The following PLCB4 variants were observed in gnomAD, a reference collection of about 807,000 sequenced individuals.
PLCB4 encodes the protein phospholipase C beta 4.
PLCB4 carries 77 observed loss-of-function variants against 178.8 expected under a neutral mutation model. That is an observed-to-expected ratio of 0.43 (90% CI 0.36 to 0.52). PLCB4 has a LOEUF of 0.52. Among genes scored for constraint, PLCB4 ranks in the 20% least tolerant of loss-of-function variants. The pLI, the probability that PLCB4 is intolerant of heterozygous loss-of-function variation, is 0.00. For synonymous variants in PLCB4, 496 were observed against 490.8 expected (o/e 1.01, Z -0.14); for missense variants, 1,024 against 1,453.4 (o/e 0.70, Z 4.80).
intron 3 of PLCB4, among the ~76,000 whole-genome samples, chr20:9,278,439 C>G (rs1188195957): frequency 6.6e-6 from 1 of 152,000 alleles, no homozygotes; most frequent in Non-Finnish European, 1.5e-5. Context: ...TCTACATTTT[C>G]AGGTACTTCT....
intron 4 of PLCB4, among the ~76,000 whole-genome samples, chr20:9,322,339 G>A (rs2094970705): frequency 1.3e-5 from 2 of 152,094 alleles, no homozygotes; most frequent in Admixed American, 6.5e-5. Flanking sequence ...TCTTTCAATT[G>A]ATGGACATAG....
At chr20:9,125,328 A>C (rs1325877993) in intron 2 of PLCB4, among the ~76,000 whole-genome samples, 1 of 152,216 alleles carries the variant, frequency 6.6e-6, no homozygotes. Flanking sequence ...TTATTAAGGT[A>C]TATTATACTC....
At chr20:9,203,187 G>C (rs867568006) in intron 2 of PLCB4, among the ~76,000 whole-genome samples, 14 of 151,384 alleles carry the variant, frequency 9.2e-5, no homozygotes, top group Middle Eastern at 3.4e-3. Context: ...TCACTTACTG[G>C]CTAGTAGATA....
chr20:9,475,689 C>T (rs750193717), intron 38 of PLCB4, among the ~76,000 whole-genome samples: 11 of 152,160 alleles, frequency 7.2e-5, no homozygotes, highest in Non-Finnish European at 1.3e-4. Flanking sequence ...TGTTCAATTG[C>T]AAATTCAATC....
chr20:9,384,124 C>G (rs2037378323), intron 13 of PLCB4, 77 bp from the exon 14 acceptor site: 1 of 1,107,256 alleles, frequency 9.0e-7, no homozygotes, highest in Admixed American at 1.7e-5. Flanking sequence ...TTTAAGCTGC[C>G]TCAGCTTCCA....
At chr20:9,263,261 T>C (rs2094316135) in intron 3 of PLCB4, among the ~76,000 whole-genome samples, 1 of 152,140 alleles carries the variant, frequency 6.6e-6, no homozygotes, top group Non-Finnish European at 1.5e-5. Flanking sequence ...ATAATACTTG[T>C]CAAGGAAGAA....
intron 4 of PLCB4, among the ~76,000 whole-genome samples, chr20:9,321,771 C>T (rs1391254790): frequency 2.0e-5 from 3 of 151,648 alleles, no homozygotes; most frequent in Non-Finnish European, 4.4e-5. Context: ...GTACCTGGGA[C>T]TACAGGTGCG....
chr20:9,362,227 T>C (rs2035404871), intron 7 of PLCB4, among the ~76,000 whole-genome samples: 1 of 152,230 alleles, frequency 6.6e-6, no homozygotes, highest in Non-Finnish European at 1.5e-5. Context: ...TGAGCTTTTC[T>C]AGTAAATGCC....
chr20:9,172,679 G>A (rs541483991), intron 2 of PLCB4, among the ~76,000 whole-genome samples: 8 of 152,068 alleles, frequency 5.3e-5, no homozygotes, highest in Non-Finnish European at 8.8e-5. Flanking sequence ...ATTGTTGGCC[G>A]AGTGCCTGAA....
intron 4 of PLCB4, among the ~76,000 whole-genome samples, chr20:9,318,032 C>A (rs2094918941): frequency 6.6e-6 from 1 of 152,184 alleles, no homozygotes; most frequent in South Asian, 2.1e-4. Flanking sequence ...CACCTGTAAT[C>A]CCAGCTGCTC....
At chr20:9,314,861 A>G (rs561612422) in intron 4 of PLCB4, among the ~76,000 whole-genome samples, 1 of 150,502 alleles carries the variant, frequency 6.6e-6, no homozygotes, top group African/African-American at 2.4e-5. Context: ...TGCATTCCTC[A>G]GGGTAGAGGA....
intron 7 of PLCB4, among the ~76,000 whole-genome samples, chr20:9,355,151 T>C (rs1470447509): frequency 6.6e-6 from 1 of 152,194 alleles, no homozygotes; most frequent in African/African-American, 2.4e-5. Context: ...CTTTTAACAG[T>C]GTACTAGCTG....
At chr20:9,468,532 TC>T in intron 35 of PLCB4, 38 bp from the exon 36 acceptor site, 1 of 1,227,356 alleles carries the variant, frequency 8.1e-7, no homozygotes. Context: ...AAACTCTCCA[TC>T]CCCCCTCCCT....
At chr20:9,335,646 A>G (rs1438541778) in intron 4 of PLCB4, among the ~76,000 whole-genome samples, 1 of 152,196 alleles carries the variant, frequency 6.6e-6, no homozygotes, top group Non-Finnish European at 1.5e-5. Context: ...ATTTAATTCC[A>G]GCAATAAACC....
intron 1 of PLCB4, among the ~76,000 whole-genome samples, chr20:9,082,108 TA>T (rs1183122841): frequency 5.4e-5 from 5 of 92,868 alleles, no homozygotes; most frequent in African/African-American, 1.8e-4. Context: ...AACCTGGAAT[TA>T]GAAAAAAAAT....
chr20:9,086,337 A>G (rs2090418703), intron 1 of PLCB4, among the ~76,000 whole-genome samples: 1 of 152,174 alleles, frequency 6.6e-6, no homozygotes, highest in Admixed American at 6.5e-5. Flanking sequence ...TGTGAAGGTC[A>G]GGAACTCCTC....
At chr20:9,380,299 C>G (rs1165321221) in intron 13 of PLCB4, 137 bp downstream of exon 13, 1 of 527,406 alleles carries the variant, frequency 1.9e-6, no homozygotes, top group African/African-American at 2.0e-5. Flanking sequence ...TTTTTTCCTG[C>G]TCTTAAGTTC....
intron 2 of PLCB4, among the ~76,000 whole-genome samples, chr20:9,203,052 A>AT (rs1555875389): frequency 7.6e-6 from 1 of 131,214 alleles, no homozygotes; most frequent in African/African-American, 3.3e-5. Flanking sequence ...AAAAAAAAAA[A>AT]AAAAATATAT....
At chr20:9,433,763 C>T (rs2041583753) in intron 28 of PLCB4, among the ~76,000 whole-genome samples, 1 of 152,032 alleles carries the variant, frequency 6.6e-6, no homozygotes, top group Admixed American at 6.6e-5. Flanking sequence ...AAATAATTGT[C>T]TGTGATTTTT....
Sources: gnomAD v4.1 joint callset for allele counts (sites outside exome capture counted in the v4.1 genomes callset) on GRCh38, gnomAD v4.1.1 for gene constraint, MANE v1.5 for transcripts, NCBI Gene and HGNC (gene_info 2026-07-23, HGNC 2026-07-21) for gene names.